IRGM: variants seen among roughly 807,000 people sequenced by gnomAD.
IRGM encodes the protein immunity related GTPase M.
For missense variants in IRGM, 288 were observed against 219.9 expected (o/e 1.31, Z -1.96); for synonymous variants, 98 against 80.6 (o/e 1.22, Z -1.16).
downstream of IRGM, among the ~76,000 whole-genome samples, chr5:150,851,471 C>T (rs540514174): frequency 7.9e-5 from 12 of 152,278 alleles, no homozygotes; most frequent in South Asian, 2.1e-4. Context: ...TAATGCACGA[C>T]GGCAGGCCAG....
At position 150,848,522 on chromosome 5, in the gene IRGM, C is replaced by T. The variant is rs778813638; in HGVS notation, c.399C>T (p.Thr133=). 2.8e-5 allele frequency: 44 copies of T among 1,551,688 alleles called. No individual in the cohort carries two copies. Among genetic ancestry groups the T allele is most frequent in the African/African-American group, 5.5e-5 (4 of 73,004 alleles). ...TGAATCATGTGATGCTTGCCAAAAC[C>T]GCTGAGGACATGGGAAAGAAGTTCT... ...FSMNHVMLAK[T]AEDMGKKFYI... is the part of the protein sequence containing the mutation. The change falls in exon 2 of 2, where the codon ACC becomes ACT. Residue 133 remains threonine (T), a synonymous_variant. Transcript: ENST00000522154.
rs1753909078 is a variant in IRGM at position 150,848,214 on chromosome 5, A to G, written c.91A>G (p.Arg31Gly). Residue 31 changes from arginine (R) to glycine (G), a missense_variant, in exon 2 of 2, where the codon AGG becomes GGG. Physicochemically the swap from Arg to Gly is moderately radical, Grantham distance 125 (BLOSUM62 -2). Coordinates refer to ENST00000522154, the MANE Select transcript of IRGM (RefSeq NM_001145805.2). Reference protein sequence around the residue: ...NIKETLKIVSRTPVNITMAGD... With the variant: ...NIKETLKIVSGTPVNITMAGD... ...CAAGGAGACTCTGAAGATAGTGTCC[A>G]GGACACCAGTTAACATCACTATGGC... is the stretch of plus-strand genomic sequence containing the variant. 6.4e-7 allele frequency: 1 copy of G among 1,551,802 alleles called. No homozygotes were observed. The highest frequency in any genetic ancestry group is 8.7e-7 in the Non-Finnish European group (1 of 1,146,922).
chr5:150,896,577 G>A (rs748302675), intron 3 of IRGM: 1 of 1,613,544 alleles, frequency 6.2e-7, no homozygotes, highest in East Asian at 2.2e-5. Context: ...CTGGCTAGAT[G>A]ATTTTCCACC....
chr5:150,850,895 T>C (rs1171680265), downstream of IRGM, among the ~76,000 whole-genome samples: 3 of 152,224 alleles, frequency 2.0e-5, no homozygotes, highest in Non-Finnish European at 4.4e-5. Flanking sequence ...TGAAGGATTC[T>C]TGTACAGAGA....
At chr5:150,860,650 G>T (rs1297580247) in intron 1 of IRGM, among the ~76,000 whole-genome samples, 1 of 152,206 alleles carries the variant, frequency 6.6e-6, no homozygotes, top group Non-Finnish European at 1.5e-5. Context: ...AGACTGGCCA[G>T]CCTTCCACCC....
chr5:150,882,039 A>G (rs7732945), intron 3 of IRGM, among the ~76,000 whole-genome samples: 31,632 of 151,616 alleles, frequency 0.21, 5,325 homozygotes, highest in African/African-American at 0.45. Context: ...AAAATTACAC[A>G]GGTGTGGTGG....
chr5:150,855,805 A>C (rs1269096633), intron 1 of IRGM, among the ~76,000 whole-genome samples: 1 of 152,210 alleles, frequency 6.6e-6, no homozygotes, highest in Non-Finnish European at 1.5e-5. Flanking sequence ...AGAAAAATAA[A>C]CTAGCCAAAT....
intron 1 of IRGM, chr5:150,877,937 A>G (rs1372690994): frequency 2.2e-6 from 1 of 444,932 alleles, no homozygotes; most frequent in South Asian, 1.6e-5. Context: ...GCATGTTTAA[A>G]TCAATTTTGC....
At chr5:150,896,140 G>T in intron 3 of IRGM, 1 of 1,613,284 alleles carries the variant, frequency 6.2e-7, no homozygotes, top group South Asian at 1.1e-5. Flanking sequence ...ATAATGAGGG[G>T]TGATTTCTGG....
intron 1 of IRGM, among the ~76,000 whole-genome samples, chr5:150,854,057 AC>A (rs1266063710): frequency 1.3e-5 from 2 of 151,710 alleles, no homozygotes; most frequent in Non-Finnish European, 2.9e-5. Flanking sequence ...CATTTTGATT[AC>A]CTTTTTATTT....
In IRGM at chr5:150,848,603, G is replaced by A; in HGVS notation, c.480G>A (p.Val160=). ...MDLSTGALPE[V]QLLQIRENVL... Reference sequence around the variant, plus strand: ...TCAGCACAGGTGCCCTCCCAGAAGTGCAGCTACTGCAGATCAGAGAAAATG... The same window carrying A: ...TCAGCACAGGTGCCCTCCCAGAAGTACAGCTACTGCAGATCAGAGAAAATG... The change falls in exon 2 of 2, where the codon GTG becomes GTA. Residue 160 remains valine, a synonymous_variant. Coordinates refer to ENST00000522154, the MANE Select transcript of IRGM (RefSeq NM_001145805.2). 1 of 1,551,064 alleles carries A rather than the reference G, an allele frequency of 6.4e-7. No individual in the cohort carries two copies. Among genetic ancestry groups the A allele is most frequent in the Non-Finnish European group, 8.7e-7 (1 of 1,146,336 alleles).
At chr5:150,880,424 G>A (rs1035632178) in intron 3 of IRGM, among the ~76,000 whole-genome samples, 1 of 152,156 alleles carries the variant, frequency 6.6e-6, no homozygotes, top group Non-Finnish European at 1.5e-5. Flanking sequence ...TTTCTCTCCA[G>A]TTTTCTAGAA....
chr5:150,896,350 A>G, intron 3 of IRGM: 1 of 1,613,634 alleles, frequency 6.2e-7, no homozygotes, highest in East Asian at 2.2e-5. Flanking sequence ...CCACAATCAT[A>G]TGGTTTCTTT....
intron 1 of IRGM, among the ~76,000 whole-genome samples, chr5:150,854,999 G>A (rs74605146): frequency 4.6e-5 from 7 of 151,948 alleles, no homozygotes; most frequent in Non-Finnish European, 7.4e-5. Flanking sequence ...TTTTCTGACT[G>A]TTTTTCAGAG....
At chr5:150,871,308 A>C (rs776770126) in intron 1 of IRGM, among the ~76,000 whole-genome samples, 5 of 152,378 alleles carry the variant, frequency 3.3e-5, no homozygotes, top group Non-Finnish European at 5.9e-5. Flanking sequence ...TTAAGAGCTC[A>C]ATGGTTAAAG....
downstream of IRGM, chr5:150,848,787 T>C (rs1581638247): frequency 1.4e-6 from 1 of 705,908 alleles, no homozygotes; most frequent in East Asian, 2.7e-5. Flanking sequence ...TTCGGGGGCA[T>C]GTAGAGAGTG....
At chr5:150,895,979 C>T in intron 3 of IRGM, 1 of 1,613,520 alleles carries the variant, frequency 6.2e-7, no homozygotes, top group Non-Finnish European at 8.5e-7. Context: ...GGTGGGACTT[C>T]TCACAGAAGG....
At chr5:150,869,833 T>C (rs1754257560) in intron 1 of IRGM, among the ~76,000 whole-genome samples, 1 of 152,322 alleles carries the variant, frequency 6.6e-6, no homozygotes, top group Admixed American at 6.5e-5. Flanking sequence ...AACATTGAGT[T>C]CTTTGGCAAC....
intron 1 of IRGM, among the ~76,000 whole-genome samples, chr5:150,868,018 CT>C (rs1438416212): frequency 1.3e-5 from 2 of 151,908 alleles, no homozygotes; most frequent in Non-Finnish European, 2.9e-5. Flanking sequence ...GTTGCATTTG[CT>C]TTTGGGTTCT....
Sources: allele counts gnomAD v4.1 joint callset (sites outside exome capture counted in the v4.1 genomes callset), GRCh38; gene constraint gnomAD v4.1.1; transcripts MANE v1.5; gene names NCBI Gene and HGNC (gene_info 2026-07-23, HGNC 2026-07-21).